The following LIN9 variants were observed in gnomAD, a reference collection of about 807,000 sequenced individuals.
The protein encoded by LIN9 is protein lin-9 homolog.
Under a neutral mutation model 78.0 loss-of-function variants are expected in LIN9, and 18 were observed. The observed-to-expected ratio is 0.23, with a 90% CI of 0.16 to 0.34. The LOEUF is 0.34. Among genes scored for constraint, LIN9 ranks in the 10% least tolerant of loss-of-function variants. LIN9 has a pLI of 1.00. For missense variants in LIN9, 451 were observed against 644.1 expected (o/e 0.70, Z 3.25); for synonymous variants, 192 against 215.2 (o/e 0.89, Z 0.94).
At chr1:226,262,799 A>G (rs1166203564) in intron 10 of LIN9, among the ~76,000 whole-genome samples, 2 of 152,200 alleles carry the variant, frequency 1.3e-5, no homozygotes, top group African/African-American at 2.4e-5. Context: ...TACCCAAAGG[A>G]GCTGAAAACT....
chr1:226,274,561 G>A (rs978780716), intron 7 of LIN9, among the ~76,000 whole-genome samples: 14 of 151,682 alleles, frequency 9.2e-5, no homozygotes, highest in African/African-American at 2.4e-4. Flanking sequence ...TATGTGCATC[G>A]GCACATAAAA....
chr1:226,309,751 G>T (rs760592174), upstream of LIN9: 10 of 1,287,704 alleles, frequency 7.8e-6, no homozygotes, highest in African/African-American at 1.5e-5. Context: ...CGCGATCCGG[G>T]CACGCCTTTC....
chr1:226,256,868 A>T (rs771866430), intron 10 of LIN9, among the ~76,000 whole-genome samples: 8 of 151,946 alleles, frequency 5.3e-5, no homozygotes, highest in African/African-American at 1.7e-4. Flanking sequence ...ATAAAATAAA[A>T]TTTTTTTTAA....
At chr1:226,290,216 T>C (rs1661663025) in intron 4 of LIN9, among the ~76,000 whole-genome samples, 1 of 150,974 alleles carries the variant, frequency 6.6e-6, no homozygotes, top group Non-Finnish European at 1.5e-5. Context: ...AATAGAAAAA[T>C]GGGAAAAAGG....
rs747315992 is a variant in LIN9 at position 226,265,483 on chromosome 1, A to G, written c.1038+50T>C. 8.7e-7 allele frequency: 1 copy of G among 1,155,514 alleles called. No individual in the cohort carries two copies. 71.6% of individuals were successfully genotyped at this position (1,155,514 alleles called of 1,614,324 possible). A position where few individuals can be genotyped will look rare whatever the true frequency, so the allele number is the denominator to read the frequency against. ...AAATTTTCAACTTTAATAACATAAA[A>G]GGCATTGAGTTTTTAAACAAACAGC... On this transcript the variant is annotated intron_variant, in intron 10 of 14. Transcript: ENST00000681046. This position sits in a 1 kb window ranked among gnomAD's most constrained non-coding sequence, Gnocchi z 4.1.
rs143048991 is a variant in LIN9 at position 226,232,953 on chromosome 1, G to A, written c.1523+143C>T. 7.0e-4 allele frequency: 388 copies of A among 552,704 alleles called. 3 individuals carry two copies. The East Asian group carries it at 9.5e-3, about 13-fold the overall frequency. The allele number at this position is 552,704 out of a possible 1,614,324, so 34.2% of individuals were successfully genotyped here. A position where few individuals can be genotyped will look rare whatever the true frequency, so the allele number is the denominator to read the frequency against. ...AAATTTCTATTCTGTCCATAGGCTG[G>A]ATATAAGTGAAAAGCTCTTACAAAT... On this transcript the variant is annotated intron_variant, in intron 14 of 14. Transcript: ENST00000681046.
intron 11 of LIN9, among the ~76,000 whole-genome samples, chr1:226,250,067 G>A (rs746339948): frequency 6.6e-6 from 1 of 151,900 alleles, no homozygotes; most frequent in Non-Finnish European, 1.5e-5. Flanking sequence ...CTACTTGAGA[G>A]GCTGAGGCAG....
chr1:226,260,965 G>C (rs1214000910), intron 10 of LIN9, among the ~76,000 whole-genome samples: 3 of 151,630 alleles, frequency 2.0e-5, no homozygotes, highest in Non-Finnish European at 4.4e-5. Flanking sequence ...TTTACCTGAA[G>C]TATGCAAGGC....
At chr1:226,307,763 T>C (rs1359674197) in intron 1 of LIN9, among the ~76,000 whole-genome samples, 2 of 152,212 alleles carry the variant, frequency 1.3e-5, no homozygotes, top group African/African-American at 4.8e-5. Context: ...ACTATGCAAG[T>C]TAAAATTAAA....
chr1:226,301,125 A>G (rs11577454), intron 2 of LIN9, 48 bp downstream of exon 2: 367,486 of 1,406,694 alleles, frequency 0.26, 49,575 homozygotes, highest in South Asian at 0.32. Context: ...TTAATTTAAC[A>G]AATTAGACTT....
chr1:226,243,470 A>G (rs1232643559), intron 11 of LIN9, among the ~76,000 whole-genome samples: 1 of 152,078 alleles, frequency 6.6e-6, no homozygotes. Flanking sequence ...CAAGGCGGGC[A>G]GATCACTTGA....
Position 226,231,902 on chromosome 1 carries a change from T to A in LIN9, c.*599A>T, listed in dbSNP as rs1657361269. 1 of 350,170 alleles carries A rather than the reference T, an allele frequency of 2.9e-6. No individual in the cohort carries two copies. The allele number at this position is 350,170 out of a possible 1,614,324, so 21.7% of individuals were successfully genotyped here. A position where few individuals can be genotyped will look rare whatever the true frequency, so the allele number is the denominator to read the frequency against. On this transcript the variant is annotated 3_prime_UTR_variant, in exon 15 of 15. Coordinates refer to ENST00000681046, the MANE Select transcript of LIN9 (RefSeq NM_001366245.2). ...TATGATAAATTAAAATATTTATTAT[T>A]ATAAAATGATCTACAGAACCATGTC...
chr1:226,246,191 T>G (rs1276563895), intron 11 of LIN9, among the ~76,000 whole-genome samples: 1 of 152,222 alleles, frequency 6.6e-6, no homozygotes, highest in Admixed American at 6.5e-5. Flanking sequence ...AACAAAAACT[T>G]TAGTATTTCC....
chr1:226,295,874 T>C lies in LIN9; in HGVS notation c.232A>G (p.Lys78Glu). ...DDRQINTRSP[K>E]RNQRVAMVPQ... ...ACCATTGCAACCCTCTGGTTTCTTT[T>C]AGGTGACCTTGTATTTATTTGCCTA... Residue 78 changes from lysine (K) to glutamate (E), a missense_variant, in exon 4 of 15, where the codon AAA becomes GAA. Transcript: ENST00000681046. 2 of 1,613,052 alleles carry C rather than the reference T, an allele frequency of 1.2e-6. No individual in the cohort carries two copies. The highest frequency in any genetic ancestry group is 1.7e-6 in the Non-Finnish European group (2 of 1,179,730).
intron 12 of LIN9, among the ~76,000 whole-genome samples, chr1:226,234,922 C>T (rs1220615464): frequency 1.5e-5 from 2 of 132,586 alleles, no homozygotes; most frequent in African/African-American, 5.4e-5. Context: ...GAGACAGTCT[C>T]ACTCTGTTGC....
At chr1:226,278,061 T>G (rs1163108688) in intron 6 of LIN9, 129 bp from the exon 7 acceptor site, 1 of 660,900 alleles carries the variant, frequency 1.5e-6, no homozygotes, top group Non-Finnish European at 2.5e-6. Context: ...GGCACAATCT[T>G]GGCTCACTGC....
chr1:226,293,265 TTCTGTATTGCTCAGAATTC>T (rs933543890), intron 4 of LIN9, among the ~76,000 whole-genome samples: 7 of 152,216 alleles, frequency 4.6e-5, no homozygotes, highest in Non-Finnish European at 8.8e-5. Context: ...ATTATATTTG[TTCTGTATTGCTCAGAATTC>T]TCTGTATTGC....
At chr1:226,268,466 G>A (rs184126790) in intron 7 of LIN9, among the ~76,000 whole-genome samples, 6 of 152,276 alleles carry the variant, frequency 3.9e-5, no homozygotes, top group Admixed American at 3.9e-4. Context: ...AATAATTAAA[G>A]AAGTTAATAC....
chr1:226,269,396 A>G (rs1660123377), intron 7 of LIN9, among the ~76,000 whole-genome samples: 1 of 152,248 alleles, frequency 6.6e-6, no homozygotes, highest in Non-Finnish European at 1.5e-5. Flanking sequence ...CCTCTCCACA[A>G]AAAACAAGTA....
Sources: gnomAD v4.1 joint callset for allele counts (sites outside exome capture counted in the v4.1 genomes callset) on GRCh38, gnomAD v4.1.1 for gene constraint, Gnocchi (gnomAD v3.1) non-coding constraint, MANE v1.5 for transcripts, NCBI Gene and HGNC (gene_info 2026-07-23, HGNC 2026-07-21) for gene names.